KCNB2: variants seen among roughly 807,000 people sequenced by gnomAD.
KCNB2 encodes the protein delayed rectifier potassium channel protein.
Under a neutral mutation model 61.5 loss-of-function variants are expected in KCNB2, and 15 were observed. The ratio of observed to expected loss-of-function variants is 0.24; its 90% CI spans 0.16 to 0.38. The LOEUF (loss-of-function observed/expected upper bound fraction) is 0.38. KCNB2 is among the 10% of genes least tolerant of loss of function. KCNB2 has a pLI of 1.00. For synonymous variants in KCNB2, 457 were observed against 446.0 expected (o/e 1.02, Z -0.31); for missense variants, 828 against 1,125.2 (o/e 0.74, Z 3.78).
chr8:72,614,395 C>G (rs1451134958), intron 2 of KCNB2, among the ~76,000 whole-genome samples: 1 of 152,146 alleles, frequency 6.6e-6, no homozygotes, highest in Non-Finnish European at 1.5e-5. Flanking sequence ...GGTTCAAATC[C>G]TAGCTCTACT....
intron 2 of KCNB2, among the ~76,000 whole-genome samples, chr8:72,615,557 T>C (rs909221456): frequency 6.6e-6 from 1 of 152,214 alleles, no homozygotes; most frequent in Non-Finnish European, 1.5e-5. Flanking sequence ...GGTGATTGGT[T>C]AGAGCTGGTT....
chr8:72,889,132 T>A (rs1296890485), intron 2 of KCNB2, among the ~76,000 whole-genome samples: 2 of 152,136 alleles, frequency 1.3e-5, no homozygotes, highest in African/African-American at 4.8e-5. Flanking sequence ...AGAGGGAGTG[T>A]GATAGCTGCA....
At chr8:72,663,394 A>G (rs1044038335) in intron 2 of KCNB2, among the ~76,000 whole-genome samples, 2 of 151,856 alleles carry the variant, frequency 1.3e-5, no homozygotes, top group African/African-American at 2.4e-5. Flanking sequence ...CTTGGGTAGC[A>G]GTGTTCTTTA....
chr8:72,794,486 A>G (rs1207104596), intron 2 of KCNB2, among the ~76,000 whole-genome samples: 1 of 146,532 alleles, frequency 6.8e-6, no homozygotes, highest in Non-Finnish European at 1.5e-5. Flanking sequence ...AATCGCTTGA[A>G]CCCGGGAGAC....
intron 2 of KCNB2, among the ~76,000 whole-genome samples, chr8:72,759,119 ACTCC>A (rs1420195629): frequency 2.6e-5 from 4 of 152,028 alleles, no homozygotes; most frequent in Admixed American, 2.6e-4. Context: ...GTAAGGTTGA[ACTCC>A]CTCTTGTTTT....
intron 2 of KCNB2, among the ~76,000 whole-genome samples, chr8:72,687,602 G>A (rs970130623): frequency 6.6e-6 from 1 of 152,132 alleles, no homozygotes; most frequent in Admixed American, 6.5e-5. Context: ...TCTAAGTAGT[G>A]TGCCGTTAAC....
At chr8:72,884,275 T>C (rs4271008) in intron 2 of KCNB2, among the ~76,000 whole-genome samples, 193 of 152,294 alleles carry the variant, frequency 1.3e-3, no homozygotes, top group Non-Finnish European at 1.7e-3. Context: ...GGTTGTCTTC[T>C]TTATGTTGAC....
At chr8:72,643,877 C>T (rs539730169) in intron 2 of KCNB2, among the ~76,000 whole-genome samples, 1 of 151,918 alleles carries the variant, frequency 6.6e-6, no homozygotes, top group Non-Finnish European at 1.5e-5. Context: ...AAATATGAAC[C>T]CTTCAAAAAA....
intron 2 of KCNB2, among the ~76,000 whole-genome samples, chr8:72,871,989 C>G (rs1805626179): frequency 6.6e-6 from 1 of 152,138 alleles, no homozygotes; most frequent in South Asian, 2.1e-4. Flanking sequence ...TAATCATGAC[C>G]AAATCTAGGA....
chr8:72,610,556 C>T (rs1377147994), intron 2 of KCNB2, among the ~76,000 whole-genome samples: 1 of 152,042 alleles, frequency 6.6e-6, no homozygotes, highest in African/African-American at 2.4e-5. Flanking sequence ...AAATAACACT[C>T]ATAATAATAG....
intron 2 of KCNB2, among the ~76,000 whole-genome samples, chr8:72,775,099 C>T (rs1296634122): frequency 6.6e-6 from 1 of 152,176 alleles, no homozygotes; most frequent in East Asian, 1.9e-4. Context: ...CTCACTAGCT[C>T]CTCACCTTCC....
intron 2 of KCNB2, among the ~76,000 whole-genome samples, chr8:72,859,340 T>C (rs1208838939): frequency 1.3e-5 from 2 of 152,222 alleles, no homozygotes; most frequent in Non-Finnish European, 2.9e-5. Flanking sequence ...TTGATGCCTA[T>C]TTCAAATAAC....
intron 2 of KCNB2, among the ~76,000 whole-genome samples, chr8:72,903,005 C>A (rs2129006733): frequency 6.6e-6 from 1 of 152,260 alleles, no homozygotes; most frequent in South Asian, 2.1e-4. Context: ...TTCTGGATAA[C>A]CTCTATTTTA....
At chr8:72,546,619 C>A (rs2128976883) in intron 1 of KCNB2, among the ~76,000 whole-genome samples, 1 of 152,064 alleles carries the variant, frequency 6.6e-6, no homozygotes, top group Non-Finnish European at 1.5e-5. Context: ...AAGGTGGCTA[C>A]AATTAACAAT....
intron 2 of KCNB2, among the ~76,000 whole-genome samples, chr8:72,675,967 A>G (rs1444998176): frequency 6.6e-6 from 1 of 151,106 alleles, no homozygotes; most frequent in African/African-American, 2.5e-5. Flanking sequence ...ATGTGAGTGC[A>G]TTGGAGAAGA....
At chr8:72,866,917 G>T (rs1805530435) in intron 2 of KCNB2, among the ~76,000 whole-genome samples, 2 of 152,132 alleles carry the variant, frequency 1.3e-5, no homozygotes, top group Admixed American at 6.5e-5. Context: ...CCCAGTGTGT[G>T]CCTGTGGCCC....
intron 2 of KCNB2, 147 bp from the exon 3 acceptor site, chr8:72,935,788 A>G: frequency 1.5e-6 from 1 of 682,956 alleles, no homozygotes; most frequent in Non-Finnish European, 2.6e-6. Context: ...TTAGTTAGGG[A>G]ATTTTAAGTT....
intron 2 of KCNB2, among the ~76,000 whole-genome samples, chr8:72,853,650 G>A (rs2129003511): frequency 6.6e-6 from 1 of 152,260 alleles, no homozygotes; most frequent in African/African-American, 2.4e-5. Context: ...AGGTGAAAGT[G>A]CTTTTGTAAC....
chr8:72,561,801 A>T (rs1806541022), intron 1 of KCNB2, among the ~76,000 whole-genome samples: 1 of 127,936 alleles, frequency 7.8e-6, no homozygotes, highest in African/African-American at 3.0e-5. Context: ...ATATATATAT[A>T]TATGAATGAT....
Sources: allele counts gnomAD v4.1 joint callset (sites outside exome capture counted in the v4.1 genomes callset), GRCh38; gene constraint gnomAD v4.1.1; transcripts MANE v1.5; gene names NCBI Gene and HGNC (gene_info 2026-07-23, HGNC 2026-07-21).